The following SYT16 variants were observed in gnomAD, a reference collection of about 807,000 sequenced individuals.
SYT16 encodes the protein synaptotagmin-16.
SYT16 carries 42 observed loss-of-function variants against 61.4 expected under a neutral mutation model. The ratio of observed to expected loss-of-function variants is 0.68; its 90% CI spans 0.53 to 0.89. The LOEUF is 0.89. Among genes scored for constraint, SYT16 ranks in the 40% least tolerant of loss-of-function variants. SYT16 has a pLI of 0.00. For missense variants in SYT16, 804 were observed against 807.3 expected, an observed-to-expected ratio of 1.00 and a Z score of 0.05; for synonymous variants, 314 against 302.3, an observed-to-expected ratio of 1.04 and a Z score of -0.40.
intron 7 of SYT16, among the ~76,000 whole-genome samples, chr14:62,091,868 G>C (rs2057087347): frequency 6.6e-6 from 1 of 152,058 alleles, no homozygotes; most frequent in Non-Finnish European, 1.5e-5. Flanking sequence ...CTTCATGTAA[G>C]TTCAAAAATT....
chr14:61,989,557 C>T (rs1400310962), intron 2 of SYT16, among the ~76,000 whole-genome samples: 1 of 152,078 alleles, frequency 6.6e-6, no homozygotes, highest in African/African-American at 2.4e-5. Flanking sequence ...AGCAAGACTC[C>T]ACCTCAAAAA....
At chr14:62,054,151 G>A (rs10138060) in intron 3 of SYT16, among the ~76,000 whole-genome samples, 58,062 of 152,074 alleles carry the variant, frequency 0.38, 15,204 homozygotes, top group African/African-American at 0.75. Context: ...GCATAGAAGT[G>A]TTAGGGGAAA....
Position 62,101,072 on chromosome 14 carries a change from T to G in SYT16, c.*365T>G, listed in dbSNP as rs140261017. Reference sequence around the variant, plus strand: ...GAGATTGCAAGGGAGCTGTTAATTGTTACTATTTGCAACCATTTAGGTGGA... The same window carrying G: ...GAGATTGCAAGGGAGCTGTTAATTGGTACTATTTGCAACCATTTAGGTGGA... On this transcript the variant is annotated 3_prime_UTR_variant, in exon 8 of 8. Coordinates refer to ENST00000683842, the MANE Select transcript of SYT16 (RefSeq NM_001367656.1). 1.1e-5 allele frequency: 2 copies of G among 173,994 alleles called. No homozygotes were observed. The highest frequency in any genetic ancestry group is 2.4e-5 in the Non-Finnish European group (2 of 81,870). The allele number at this position is 173,994 out of a possible 1,614,324, so 10.8% of individuals were successfully genotyped here.
chr14:62,014,932 T>C (rs2053609307), intron 3 of SYT16, among the ~76,000 whole-genome samples: 2 of 152,186 alleles, frequency 1.3e-5, no homozygotes, highest in Admixed American at 1.3e-4. Flanking sequence ...AAGTACACTT[T>C]ATACCTAAAA....
chr14:61,832,210 G>T, intron 1 of SYT16: 1 of 641,272 alleles, frequency 1.6e-6, no homozygotes, highest in East Asian at 3.5e-5. Flanking sequence ...GCAGACAGGT[G>T]CTTGACATGG....
intron 1 of SYT16, among the ~76,000 whole-genome samples, chr14:61,963,971 A>T (rs1197772502): frequency 1.3e-5 from 2 of 152,186 alleles, no homozygotes; most frequent in Non-Finnish European, 2.9e-5. Context: ...GGTTTACTGA[A>T]TATTGTAAAC....
intron 1 of SYT16, among the ~76,000 whole-genome samples, chr14:61,928,941 G>C (rs893691314): frequency 5.9e-5 from 9 of 152,222 alleles, no homozygotes; most frequent in African/African-American, 1.7e-4. Flanking sequence ...TGTGTGCATA[G>C]TCATTAGTGA....
intron 1 of SYT16, among the ~76,000 whole-genome samples, chr14:61,958,504 AT>A (rs1455731751): frequency 6.6e-6 from 1 of 151,426 alleles, no homozygotes; most frequent in African/African-American, 2.4e-5. Context: ...TTCCTTTTTG[AT>A]TCATTCTTTG....
intron 3 of SYT16, among the ~76,000 whole-genome samples, chr14:62,020,828 G>T (rs1197060697): frequency 6.6e-6 from 1 of 152,182 alleles, no homozygotes; most frequent in Non-Finnish European, 1.5e-5. Context: ...TATGCTGCTT[G>T]GCAGTGACCA....
At chr14:61,895,947 G>A (rs185302265) in intron 1 of SYT16, among the ~76,000 whole-genome samples, 15 of 152,186 alleles carry the variant, frequency 9.9e-5, no homozygotes, top group African/African-American at 2.9e-4. Context: ...CAGCCTGGCA[G>A]TGCGCGTGGG....
At chr14:61,973,329 GTAA>G (rs889545575) in intron 2 of SYT16, among the ~76,000 whole-genome samples, 10 of 152,198 alleles carry the variant, frequency 6.6e-5, no homozygotes, top group South Asian at 2.1e-4. Context: ...ATAGGTAATA[GTAA>G]TAATAATAAT....
rs1354860854 is a variant in SYT16 at position 62,106,431 on chromosome 14, A to G, written c.*5724A>G. On this transcript the variant is annotated 3_prime_UTR_variant, in exon 8 of 8. Coordinates refer to ENST00000683842, the MANE Select transcript of SYT16 (RefSeq NM_001367656.1). ...GGAAATTGGTGGGGATGGGGGTGTC[A>G]TAGAATCATCATCTTTGGAAGTTTT... The G allele has an allele frequency of 6.6e-6, 1 of 152,194 alleles. No individual in the cohort carries two copies. Among genetic ancestry groups the G allele is most frequent in the Non-Finnish European group, 1.5e-5 (1 of 68,034 alleles). The allele number at this position is 152,194 out of a possible 1,614,324, so 9.4% of individuals were successfully genotyped here. A position where few individuals can be genotyped will look rare whatever the true frequency, so the allele number is the denominator to read the frequency against.
intron 1 of SYT16, among the ~76,000 whole-genome samples, chr14:61,914,781 T>G (rs2049056949): frequency 6.6e-6 from 1 of 152,202 alleles, no homozygotes; most frequent in Admixed American, 6.5e-5. Flanking sequence ...TGAGGGAGGC[T>G]TCTAAGTAAT....
intron 1 of SYT16, among the ~76,000 whole-genome samples, chr14:61,892,247 C>A (rs1332868915): frequency 6.6e-6 from 1 of 152,006 alleles, no homozygotes; most frequent in African/African-American, 2.4e-5. Context: ...CCACCCTGGC[C>A]CCTCTCTCCA....
intron 4 of SYT16, among the ~76,000 whole-genome samples, chr14:62,074,254 A>T (rs931499191): frequency 1.3e-5 from 2 of 152,152 alleles, no homozygotes; most frequent in Non-Finnish European, 2.9e-5. Context: ...GAGAGAGAAA[A>T]GTGTGGAGAC....
intron 1 of SYT16, among the ~76,000 whole-genome samples, chr14:61,885,146 T>G (rs1211948352): frequency 6.6e-6 from 1 of 152,190 alleles, no homozygotes; most frequent in African/African-American, 2.4e-5. Flanking sequence ...AGATACCTTA[T>G]TTCAAATGGA....
At chr14:61,851,552 C>A (rs1006485376) in intron 1 of SYT16, among the ~76,000 whole-genome samples, 3 of 152,166 alleles carry the variant, frequency 2.0e-5, no homozygotes, top group African/African-American at 7.2e-5. Context: ...CCCTTTTCCT[C>A]CACAACCTTG....
chr14:61,855,370 G>C (rs1402042449), intron 1 of SYT16, among the ~76,000 whole-genome samples: 2 of 152,166 alleles, frequency 1.3e-5, no homozygotes, highest in African/African-American at 4.8e-5. Flanking sequence ...GAAAATAATT[G>C]TAAGTCGAAA....
rs189222863 is a variant in SYT16 at position 61,837,767 on chromosome 14, C to T, written c.-325+24957C>T. Among the ~76,000 whole-genome samples the T allele has an allele frequency of 2.8e-3, 419 of 152,312 alleles. 3 individuals carry two copies. The highest frequency in any genetic ancestry group is 0.014 in the Middle Eastern group (4 of 294). ...CACGCCTTGGATGCTATGCTTCTGGCGTGCAGAGTCACCCTGCCACCTTGT... is the reference window on the plus strand; with the variant it reads ...CACGCCTTGGATGCTATGCTTCTGGTGTGCAGAGTCACCCTGCCACCTTGT... On this transcript the variant is annotated intron_variant, in intron 1 of 7. Transcript: ENST00000683842.
Sources: gnomAD v4.1 joint callset for allele counts (sites outside exome capture counted in the v4.1 genomes callset) on GRCh38, gnomAD v4.1.1 for gene constraint, MANE v1.5 for transcripts, NCBI Gene and HGNC (gene_info 2026-07-23, HGNC 2026-07-21) for gene names.